The following ADAMTS19 variants were observed in gnomAD, a reference collection of about 807,000 sequenced individuals.
ADAMTS19 encodes the protein ADAM metallopeptidase with thrombospondin type 1 motif 19.
In ADAMTS19, 93 loss-of-function variants were observed where a neutral mutation model predicts 153.3. The ratio of observed to expected loss-of-function variants is 0.61; its 90% CI spans 0.51 to 0.72. ADAMTS19 has a LOEUF of 0.72. Among genes scored for constraint, ADAMTS19 ranks in the 30% least tolerant of loss-of-function variants. ADAMTS19 has a pLI of 0.00. For synonymous variants in ADAMTS19, 600 were observed against 556.6 expected, an observed-to-expected ratio of 1.08 and a Z score of -1.10; for missense variants, 1,482 against 1,552.1, an observed-to-expected ratio of 0.95 and a Z score of 0.76.
In ADAMTS19 at chr5:129,460,406, C is replaced by G. The variant is rs765788773; in HGVS notation, c.15C>G (p.Arg5=). 6.2e-7 allele frequency: 1 copy of G among 1,613,938 alleles called. No individual in the cohort carries two copies. Among genetic ancestry groups the G allele is most frequent in the Non-Finnish European group, 8.5e-7 (1 of 1,179,990 alleles). ...GGGAGCGCAGTATGGGGAAGAACCG[C>G]GAGATGCGCCTGACTCACATCTGCT... MGKN[R]EMRLTHICCC... is the part of the protein sequence containing the mutation. The change falls in exon 1 of 23, where the codon CGC becomes CGG. Residue 5 remains arginine, a synonymous_variant. Coordinates refer to ENST00000274487, the MANE Select transcript of ADAMTS19 (RefSeq NM_133638.6).
At chr5:129,703,927 T>C (rs893875660) in intron 20 of ADAMTS19, among the ~76,000 whole-genome samples, 1 of 152,158 alleles carries the variant, frequency 6.6e-6, no homozygotes, top group Non-Finnish European at 1.5e-5. Flanking sequence ...TGATATCAAA[T>C]TTTAGTAATT....
chr5:129,504,339 T>C (rs937564328), intron 2 of ADAMTS19, among the ~76,000 whole-genome samples: 8 of 152,190 alleles, frequency 5.3e-5, no homozygotes, highest in Admixed American at 3.3e-4. Flanking sequence ...CATTTAGTTA[T>C]TATGATATGC....
intron 8 of ADAMTS19, among the ~76,000 whole-genome samples, chr5:129,612,000 T>A (rs1751246241): frequency 6.6e-6 from 1 of 151,946 alleles, no homozygotes. Flanking sequence ...ATATTTTAAG[T>A]TTTAGGGTAC....
At position 129,572,320 on chromosome 5, in the gene ADAMTS19, G is replaced by C. The variant is rs116496639; in HGVS notation, c.1372+20413G>C. 9.6e-3 allele frequency among the ~76,000 whole-genome samples: 1,462 copies of C among 151,988 alleles called. 15 individuals carry two copies. The highest frequency in any genetic ancestry group is 0.032 in the African/African-American group (1,348 of 41,520). ...AACTCAACTCTCATACATTGTTGCTGGGAATGGAAAACTTCACAACCGCTT... is the reference window on the plus strand; with the variant it reads ...AACTCAACTCTCATACATTGTTGCTCGGAATGGAAAACTTCACAACCGCTT... On this transcript the variant is annotated intron_variant, in intron 7 of 22. Transcript: ENST00000274487.
chr5:129,701,260 A>C (rs535234718), intron 19 of ADAMTS19, 128 bp from the exon 20 acceptor site: 1 of 1,015,618 alleles, frequency 9.8e-7, no homozygotes. Flanking sequence ...GAACTGTGTC[A>C]ATTGGACCTC....
At chr5:129,704,736 T>C (rs1357675769) in intron 21 of ADAMTS19, among the ~76,000 whole-genome samples, 2 of 152,054 alleles carry the variant, frequency 1.3e-5, no homozygotes, top group African/African-American at 2.4e-5. Flanking sequence ...GACAAGTCAA[T>C]TCAAAATATA....
chr5:129,513,542 A>G (rs954408410), intron 3 of ADAMTS19, among the ~76,000 whole-genome samples: 6 of 151,980 alleles, frequency 3.9e-5, no homozygotes, highest in African/African-American at 1.4e-4. Flanking sequence ...AAAATGTACC[A>G]TGTGCCAGTT....
intron 3 of ADAMTS19, among the ~76,000 whole-genome samples, chr5:129,522,642 T>C (rs1370840133): frequency 6.6e-6 from 1 of 151,944 alleles, no homozygotes; most frequent in East Asian, 1.9e-4. Context: ...CAGTAACTTA[T>C]GGGGATAGTC....
intron 7 of ADAMTS19, among the ~76,000 whole-genome samples, chr5:129,567,140 A>G (rs1445755464): frequency 1.3e-5 from 2 of 152,122 alleles, no homozygotes; most frequent in East Asian, 3.9e-4. Flanking sequence ...TACAATAGCA[A>G]TGCAAAGGCC....
At chr5:129,585,124 C>T (rs1749715879) in intron 7 of ADAMTS19, among the ~76,000 whole-genome samples, 1 of 151,830 alleles carries the variant, frequency 6.6e-6, no homozygotes, top group Non-Finnish European at 1.5e-5. Context: ...AGGCACAGTC[C>T]CTCATGGCTC....
At chr5:129,621,716 A>G (rs1006296572) in intron 9 of ADAMTS19, among the ~76,000 whole-genome samples, 1 of 152,146 alleles carries the variant, frequency 6.6e-6, no homozygotes, top group African/African-American at 2.4e-5. Flanking sequence ...ATCAAATACC[A>G]CTTTAAAATA....
At chr5:129,684,542 T>TTAC (rs1754986288) in intron 18 of ADAMTS19, among the ~76,000 whole-genome samples, 2 of 152,060 alleles carry the variant, frequency 1.3e-5, no homozygotes, top group Admixed American at 6.5e-5. Flanking sequence ...TTACATTACA[T>TTAC]AAGTATTAAT....
Position 129,460,387 on chromosome 5 carries a change from G to A in ADAMTS19, c.-5G>A, listed in dbSNP as rs921477319. The stretch of plus-strand genomic sequence containing the variant: ...GGCGAGAAGCCGCGGCCGCGGGAGC[G>A]CAGTATGGGGAAGAACCGCGAGATG... On this transcript the variant is annotated 5_prime_UTR_variant, in exon 1 of 23. Coordinates refer to ENST00000274487, the MANE Select transcript of ADAMTS19 (RefSeq NM_133638.6). 3 of 1,612,744 alleles carry A rather than the reference G, an allele frequency of 1.9e-6. No individual in the cohort carries two copies. Among genetic ancestry groups the A allele is most frequent in the Non-Finnish European group, 2.5e-6 (3 of 1,179,666 alleles).
chr5:129,711,237 G>C (rs1000773104), intron 21 of ADAMTS19, among the ~76,000 whole-genome samples: 2 of 152,122 alleles, frequency 1.3e-5, no homozygotes, highest in Non-Finnish European at 2.9e-5. Flanking sequence ...TGTAAAAATA[G>C]AAAATGTTAA....
chr5:129,704,114 A>T, intron 20 of ADAMTS19, 125 bp from the exon 21 acceptor site: 1 of 1,008,798 alleles, frequency 9.9e-7, no homozygotes, highest in Non-Finnish European at 1.4e-6. Flanking sequence ...ATTATTTATA[A>T]TTTTATCTGG....
chr5:129,514,417 G>A (rs180984122), intron 3 of ADAMTS19, among the ~76,000 whole-genome samples: 175 of 152,080 alleles, frequency 1.2e-3, no homozygotes, highest in South Asian at 3.5e-3. Context: ...AGTGTACAAG[G>A]GTTCCCTTTT....
intron 8 of ADAMTS19, among the ~76,000 whole-genome samples, chr5:129,608,583 G>C (rs73785219): frequency 6.6e-6 from 1 of 152,058 alleles, no homozygotes; most frequent in Non-Finnish European, 1.5e-5. Flanking sequence ...TAAGAAGAGA[G>C]GATATGCTCT....
At chr5:129,659,295 AT>A (rs1402076475) in intron 15 of ADAMTS19, among the ~76,000 whole-genome samples, 1 of 152,194 alleles carries the variant, frequency 6.6e-6, no homozygotes. Flanking sequence ...TCATCTATAA[AT>A]ACTAATACTC....
At chr5:129,540,946 T>C (rs10072248) in intron 6 of ADAMTS19, among the ~76,000 whole-genome samples, 24,396 of 151,952 alleles carry the variant, frequency 0.16, 2,188 homozygotes, top group East Asian at 0.3. Flanking sequence ...TGAATCCACA[T>C]GATCAAAGGT....
Sources: allele counts gnomAD v4.1 joint callset (sites outside exome capture counted in the v4.1 genomes callset), GRCh38; gene constraint gnomAD v4.1.1; transcripts MANE v1.5; gene names NCBI Gene and HGNC (gene_info 2026-07-23, HGNC 2026-07-21).